The following NEIL3 variants were observed in gnomAD, a reference collection of about 807,000 sequenced individuals.
NEIL3 encodes the protein nei like DNA glycosylase 3.
In NEIL3, 48 loss-of-function variants were observed where a neutral mutation model predicts 57.5. The observed-to-expected ratio is 0.83, with a 90% confidence interval of 0.66 to 1.06. The LOEUF (loss-of-function observed/expected upper bound fraction) is 1.06, where lower values mean the gene tolerates loss of function less well. NEIL3 is among the 50% of genes least tolerant of loss of function. The probability of loss-of-function intolerance (pLI) is 0.00; values close to 1 mark genes in which losing one functional copy is unlikely to be tolerated. For missense variants in NEIL3, 717 were observed against 739.1 expected, an observed-to-expected ratio of 0.97 and a Z score of 0.35; for synonymous variants, 261 against 253.2, an observed-to-expected ratio of 1.03 and a Z score of -0.29.
At chr4:177,317,705 G>C (rs576775998) in intron 1 of NEIL3, among the ~76,000 whole-genome samples, 24 of 143,230 alleles carry the variant, frequency 1.7e-4, no homozygotes, top group Non-Finnish European at 3.2e-4. Context: ...GGGTTCAAGC[G>C]ATTCTCCTGC....
intron 2 of NEIL3, 108 bp from the exon 3 acceptor site, chr4:177,335,580 G>T: frequency 1.1e-6 from 1 of 950,574 alleles, no homozygotes; most frequent in Non-Finnish European, 1.6e-6. Context: ...TGTCTATCCT[G>T]ACTAACATTT....
At chr4:177,333,753 G>C (rs891843256) in intron 2 of NEIL3, among the ~76,000 whole-genome samples, 2 of 152,114 alleles carry the variant, frequency 1.3e-5, no homozygotes, top group African/African-American at 4.8e-5. Flanking sequence ...AATGCTAGCA[G>C]GATCTCCTTG....
chr4:177,321,040 G>C (rs535963619), intron 1 of NEIL3, among the ~76,000 whole-genome samples: 1 of 151,142 alleles, frequency 6.6e-6, no homozygotes, highest in Non-Finnish European at 1.5e-5. Context: ...GACCAATTTA[G>C]TGAAATAAAG....
In NEIL3 at chr4:177,322,597, CG is replaced by C. The variant is rs776941046; in HGVS notation, c.278+18del. ...AGCTTTACGGTAAGATAAGCCTGTA[CG>C]ATACATCTTATCTCTCTATATTTAA... On this transcript the variant is annotated intron_variant, in intron 2 of 9. Transcript: ENST00000264596. The C allele has an allele frequency of 3.1e-6, 5 of 1,613,340 alleles. No homozygotes were observed. In the Admixed American group the frequency reaches 6.7e-5, roughly 22 times the overall value.
downstream of NEIL3, among the ~76,000 whole-genome samples, chr4:177,367,241 G>C (rs188628080): frequency 1.3e-5 from 2 of 152,156 alleles, no homozygotes; most frequent in African/African-American, 4.8e-5. Flanking sequence ...GGATGTTTCA[G>C]TTATGTTAGG....
chr4:177,323,611 A>C, intron 2 of NEIL3, among the ~76,000 whole-genome samples: 1 of 152,282 alleles, frequency 6.6e-6, no homozygotes, highest in Non-Finnish European at 1.5e-5. Flanking sequence ...GCATATGCCT[A>C]GTTGTTCATG....
At chr4:177,324,973 ATAG>A (rs1734752572) in intron 2 of NEIL3, among the ~76,000 whole-genome samples, 1 of 151,840 alleles carries the variant, frequency 6.6e-6, no homozygotes, top group Admixed American at 6.6e-5. Context: ...AGATAGATAG[ATAG>A]ATAGATAGAT....
rs1195111143 is a variant in NEIL3 at position 177,309,976 on chromosome 4, C to A, written c.23C>A (p.Thr8Asn). Residue 8 changes from threonine to asparagine, a missense_variant, in exon 1 of 10, where the codon ACT becomes AAT. Transcript: ENST00000264596. ...GAGATGGTGGAAGGACCAGGCTGTA[C>A]TCTGAATGGAGAGAAGATTCGCGCG... MVEGPGC[T>N]LNGEKIRARV... is the part of the protein sequence containing the mutation. 4 of 1,610,212 alleles carry A rather than the reference C, an allele frequency of 2.5e-6. No individual in the cohort carries two copies. In the African/African-American group the frequency reaches 4.0e-5, roughly 16 times the overall value.
At chr4:177,313,447 A>G (rs35694726) in intron 1 of NEIL3, among the ~76,000 whole-genome samples, 127 of 152,332 alleles carry the variant, frequency 8.3e-4, no homozygotes, top group African/African-American at 2.7e-3. Flanking sequence ...GTCGTGATCC[A>G]CTGTCTTGTC....
chr4:177,363,601 G>A (rs1448066301), downstream of NEIL3, among the ~76,000 whole-genome samples: 3 of 151,858 alleles, frequency 2.0e-5, no homozygotes, highest in East Asian at 5.8e-4. Context: ...GCAATAAAGA[G>A]GAAAAAAGGT....
chr4:177,345,338 G>C (rs1206252747), intron 6 of NEIL3, among the ~76,000 whole-genome samples: 1 of 152,156 alleles, frequency 6.6e-6, no homozygotes, highest in African/African-American at 2.4e-5. Flanking sequence ...CATTTGGAAT[G>C]CTGCACACAG....
At chr4:177,361,402 G>C (rs1008584160) in intron 9 of NEIL3, among the ~76,000 whole-genome samples, 1 of 152,192 alleles carries the variant, frequency 6.6e-6, no homozygotes, top group Non-Finnish European at 1.5e-5. Flanking sequence ...ATATGTTTCA[G>C]TGCTGGCGCA....
chr4:177,319,899 T>C (rs1229839358), intron 1 of NEIL3, among the ~76,000 whole-genome samples: 1 of 152,090 alleles, frequency 6.6e-6, no homozygotes. Context: ...TAAAGAATGT[T>C]GGAAAAAGAT....
intron 7 of NEIL3, 28 bp downstream of exon 7, chr4:177,351,577 G>A (rs200818057): frequency 5.3e-4 from 839 of 1,574,270 alleles, no homozygotes; most frequent in Admixed American, 9.3e-4. Context: ...TTTTGAGTTT[G>A]TTACATTTCT....
At position 177,347,079 on chromosome 4, in the gene NEIL3, T is replaced by C. The variant is rs577937511; in HGVS notation, c.870-4301T>C. ...ACATGAGGCGATGATAAGTGGTGAT[T>C]AGTGTTCTCAAGAACATGAGCCACA... is the stretch of plus-strand genomic sequence containing the variant. On this transcript the variant is annotated intron_variant, in intron 6 of 9. Transcript: ENST00000264596. Among the ~76,000 whole-genome samples the C allele has an allele frequency of 2.6e-5, 4 of 152,150 alleles. No homozygotes were observed. The South Asian group carries it at 8.3e-4, about 32-fold the overall frequency.
chr4:177,335,148 G>T (rs1054038062), intron 2 of NEIL3, among the ~76,000 whole-genome samples: 19 of 152,016 alleles, frequency 1.2e-4, no homozygotes, highest in African/African-American at 4.3e-4. Flanking sequence ...TCATTGCCTA[G>T]TGCAAAACAA....
rs769952781 is a variant in NEIL3 at position 177,353,652 on chromosome 4, C to G, written c.1384C>G (p.Pro462Ala). 6.2e-7 allele frequency: 1 copy of G among 1,613,616 alleles called. No homozygotes were observed. Among genetic ancestry groups the G allele is most frequent in the African/African-American group, 1.3e-5 (1 of 74,846 alleles). ...TISSESKLFSPAHKKPKTAQY... is the reference protein window; with the variant it reads ...TISSESKLFSAAHKKPKTAQY... The stretch of plus-strand genomic sequence containing the variant: ...CAGTTCAGAATCTAAATTATTTAGT[C>G]CAGCACATAAAAAACCGAAAACAGC... The change falls in exon 8 of 10, where the codon CCA becomes GCA. Residue 462 changes from proline to alanine, a missense_variant. Transcript: ENST00000264596.
At chr4:177,359,085 G>A (rs1180921126) in intron 8 of NEIL3, among the ~76,000 whole-genome samples, 1 of 152,224 alleles carries the variant, frequency 6.6e-6, no homozygotes, top group East Asian at 1.9e-4. Flanking sequence ...TTTTGGAGGG[G>A]GTTGGTGAAC....
In NEIL3 at chr4:177,360,600, G is replaced by A. The variant is rs1876268; in HGVS notation, c.1558G>A (p.Gly520Arg). The change falls in exon 9 of 10, where the codon GGG (glycine) becomes AGG (arginine). Residue 520 changes from glycine to arginine, a missense_variant. Gly to Arg is a moderately radical substitution (Grantham distance 125). Transcript: ENST00000264596. Reference sequence around the variant, plus strand: ...CCGCCTCTGCATTCTCCGAGTTGTGGGGAAGGATGGGGAAAACAAGGGCAG... The same window carrying A: ...CCGCCTCTGCATTCTCCGAGTTGTGAGGAAGGATGGGGAAAACAAGGGCAG... ...HNRLCILRVV[G>R]KDGENKGRQF... 1,550,397 of 1,613,978 alleles carry A rather than the reference G, an allele frequency of 0.96. 745,037 individuals carry two copies. The highest frequency in any genetic ancestry group is 0.99 in the East Asian group (44,235 of 44,872).
Sources: allele counts gnomAD v4.1 joint callset (sites outside exome capture counted in the v4.1 genomes callset), GRCh38; gene constraint gnomAD v4.1.1; transcripts MANE v1.5; gene names NCBI Gene and HGNC (gene_info 2026-07-23, HGNC 2026-07-21).